Variants in SETD7 observed in about 807,000 individuals in gnomAD.
SETD7 encodes histone-lysine N-methyltransferase SETD7.
Under a neutral mutation model 41.8 loss-of-function variants are expected in SETD7, and 16 were observed. That is an observed-to-expected ratio of 0.38 (90% CI 0.26 to 0.58). SETD7 has a LOEUF of 0.58. Ranked by LOEUF, SETD7 falls within the 20% of genes least tolerant of loss-of-function variation. SETD7 has a pLI of 0.64. For missense variants in SETD7, 346 were observed against 459.7 expected (o/e 0.75, Z 2.26); for synonymous variants, 163 against 169.7 (o/e 0.96, Z 0.31).
At chr4:139,498,040 A>G (rs77328175) in intron 7 of SETD7, among the ~76,000 whole-genome samples, 6,719 of 152,326 alleles carry the variant, frequency 0.044, 484 homozygotes, top group African/African-American at 0.15. Flanking sequence ...CGGTAAGACC[A>G]TCAGTATCAT....
intron 7 of SETD7, among the ~76,000 whole-genome samples, chr4:139,512,862 A>G (rs1199029818): frequency 6.8e-6 from 1 of 146,118 alleles, no homozygotes; most frequent in African/African-American, 2.5e-5. Flanking sequence ...GGTTCCAGCA[A>G]TTCTCATGTC....
intron 2 of SETD7, among the ~76,000 whole-genome samples, chr4:139,534,388 C>G (rs1727578222): frequency 6.6e-6 from 1 of 151,914 alleles, no homozygotes; most frequent in South Asian, 2.1e-4. Context: ...ATTAATTCAA[C>G]TAGTAATTTT....
chr4:139,534,368 G>A (rs533327983), intron 2 of SETD7, among the ~76,000 whole-genome samples: 4 of 152,164 alleles, frequency 2.6e-5, no homozygotes, highest in African/African-American at 9.6e-5. Context: ...TAGGCAGAGA[G>A]TATTTATTCA....
intron 2 of SETD7, among the ~76,000 whole-genome samples, chr4:139,545,429 A>G (rs2111170193): frequency 6.6e-6 from 1 of 152,318 alleles, no homozygotes; most frequent in Non-Finnish European, 1.5e-5. Flanking sequence ...GCCCAGGCCA[A>G]TACCAACATA....
At chr4:139,538,727 A>G (rs1184638302) in intron 2 of SETD7, among the ~76,000 whole-genome samples, 1 of 150,588 alleles carries the variant, frequency 6.6e-6, no homozygotes, top group African/African-American at 2.5e-5. Context: ...CTTAACTTGT[A>G]TTTTCTTAAA....
At chr4:139,517,807 A>T in intron 7 of SETD7, 78 bp downstream of exon 7, 1 of 1,460,210 alleles carries the variant, frequency 6.8e-7, no homozygotes, top group Non-Finnish European at 9.3e-7. Flanking sequence ...CTGAGGCAGA[A>T]TAACACTTTT....
rs1727532252 is a variant in SETD7 at position 139,533,072 on chromosome 4, C to T, written c.372+93G>A. On this transcript the variant is annotated intron_variant, in intron 3 of 7. Coordinates refer to ENST00000274031, the MANE Select transcript of SETD7 (RefSeq NM_030648.4). ...CTGTGGTGACTCTCAGGTTTCACAG[C>T]TCCCAAGTTCTAACACAGAATACAT... The T allele has an allele frequency of 3.4e-6, 4 of 1,169,912 alleles. No individual in the cohort carries two copies. In the Admixed American group the frequency reaches 5.3e-5, roughly 16 times the overall value. The allele number at this position is 1,169,912 out of a possible 1,614,324, so 72.5% of individuals were successfully genotyped here. A position where few individuals can be genotyped will look rare whatever the true frequency, so the allele number is the denominator to read the frequency against.
At chr4:139,546,767 C>G (rs1253903981) in intron 2 of SETD7, 153 bp downstream of exon 2, 2 of 974,610 alleles carry the variant, frequency 2.1e-6, no homozygotes, top group Non-Finnish European at 3.1e-6. Context: ...GGTGACTTCC[C>G]CAGTCACCAA....
intron 2 of SETD7, among the ~76,000 whole-genome samples, chr4:139,533,955 A>G (rs1727563281): frequency 6.7e-6 from 1 of 149,932 alleles, no homozygotes; most frequent in Non-Finnish European, 1.5e-5. Context: ...ATTTAAGTAT[A>G]TCTATATATC....
At chr4:139,519,719 C>T (rs1176230088) in intron 6 of SETD7, among the ~76,000 whole-genome samples, 1 of 152,230 alleles carries the variant, frequency 6.6e-6, no homozygotes, top group East Asian at 1.9e-4. Context: ...GTGCTAAAAA[C>T]ATTGAACTTT....
At chr4:139,527,102 A>G (rs1447244626) in intron 4 of SETD7, among the ~76,000 whole-genome samples, 2 of 152,250 alleles carry the variant, frequency 1.3e-5, no homozygotes. Flanking sequence ...ATAGCCAACT[A>G]CACACCTAGG....
intron 7 of SETD7, among the ~76,000 whole-genome samples, chr4:139,499,383 C>A (rs550848234): frequency 6.6e-6 from 1 of 152,348 alleles, no homozygotes; most frequent in African/African-American, 2.4e-5. Context: ...CCTGCCATTG[C>A]CAAGCTTGTT....
intron 7 of SETD7, chr4:139,496,570 G>A (rs1726461294): frequency 1.5e-6 from 1 of 687,236 alleles, no homozygotes; most frequent in Admixed American, 2.2e-5. Flanking sequence ...AGATTATTAA[G>A]GTACATAGAT....
At chr4:139,528,266 T>C (rs2725779) in intron 4 of SETD7, among the ~76,000 whole-genome samples, 69,296 of 152,122 alleles carry the variant, frequency 0.46, 17,486 homozygotes, top group Admixed American at 0.54. Flanking sequence ...ATGGATTCCA[T>C]TGGGTTCACT....
downstream of SETD7, among the ~76,000 whole-genome samples, chr4:139,504,625 A>G (rs1423201933): frequency 6.6e-6 from 1 of 152,218 alleles, no homozygotes; most frequent in Non-Finnish European, 1.5e-5. Flanking sequence ...ACCTAGTTCT[A>G]GAGATGACTG....
At chr4:139,534,137 C>T (rs1375629124) in intron 2 of SETD7, among the ~76,000 whole-genome samples, 4 of 152,078 alleles carry the variant, frequency 2.6e-5, no homozygotes, top group Admixed American at 1.3e-4. Flanking sequence ...GGGATGCTCA[C>T]GTGATTTTAC....
At chr4:139,533,445 A>C in intron 2 of SETD7, 79 bp from the exon 3 acceptor site, 1 of 1,225,100 alleles carries the variant, frequency 8.2e-7, no homozygotes, top group Non-Finnish European at 1.2e-6. Context: ...TATCCAAGGA[A>C]CTGCATGCCC....
intron 1 of SETD7, among the ~76,000 whole-genome samples, chr4:139,548,967 T>C (rs1037902775): frequency 3.3e-5 from 5 of 152,202 alleles, no homozygotes. Flanking sequence ...AATTATTTTC[T>C]AAATATCTGA....
At position 139,508,913 on chromosome 4, in the gene SETD7, A is replaced by G. The variant is rs1357149361; in HGVS notation, c.*2750T>C. ...TTTCCCTACCTACAGAACTCAGTGA[A>G]TCTCAAGCCTTACTCCGATTCCAAC... On this transcript the variant is annotated 3_prime_UTR_variant, in exon 8 of 8. Coordinates refer to ENST00000274031, the MANE Select transcript of SETD7 (RefSeq NM_030648.4). 6.6e-6 allele frequency: 1 copy of G among 152,144 alleles called. No homozygotes were observed. The highest frequency in any genetic ancestry group is 1.9e-4 in the East Asian group (1 of 5,180). 9.4% of individuals were successfully genotyped at this position (152,144 alleles called of 1,614,324 possible).
Sources: gnomAD v4.1 joint callset for allele counts (sites outside exome capture counted in the v4.1 genomes callset) on GRCh38, gnomAD v4.1.1 for gene constraint, MANE v1.5 for transcripts, NCBI Gene and HGNC (gene_info 2026-07-23, HGNC 2026-07-21) for gene names.